REG4: variants seen among roughly 807,000 people sequenced by gnomAD.
The protein encoded by REG4 is regenerating family member 4, also known as regenerating islet-derived protein 4.
In REG4, 16 loss-of-function variants were observed where a neutral mutation model predicts 22.3. The observed-to-expected ratio is 0.72, with a 90% CI of 0.49 to 1.09. The LOEUF is 1.09. Ranked by LOEUF, REG4 falls within the 50% of genes least tolerant of loss-of-function variation. The pLI is 0.00. For missense variants in REG4, 214 were observed against 193.9 expected, an observed-to-expected ratio of 1.10 and a Z score of -0.61; for synonymous variants, 71 against 69.2, an observed-to-expected ratio of 1.03 and a Z score of -0.13.
chr1:119,806,453 G>A (rs1258738925), intron 2 of REG4, among the ~76,000 whole-genome samples: 4 of 152,186 alleles, frequency 2.6e-5, no homozygotes, highest in Non-Finnish European at 4.4e-5. Flanking sequence ...CTGACTCCAA[G>A]TCTTAGTCAT....
intron 2 of REG4, among the ~76,000 whole-genome samples, chr1:119,806,464 C>T (rs1425764825): frequency 6.6e-6 from 1 of 152,200 alleles, no homozygotes; most frequent in Non-Finnish European, 1.5e-5. Context: ...TCTTAGTCAT[C>T]TTAGTAATGA....
chr1:119,799,586 T>G, intron 4 of REG4, 139 bp downstream of exon 4: 3 of 1,082,412 alleles, frequency 2.8e-6, no homozygotes, highest in Non-Finnish European at 4.0e-6. Flanking sequence ...CCTTGAGACT[T>G]TGGTCTCCGT....
chr1:119,799,328 A>G (rs1456433672), intron 4 of REG4, among the ~76,000 whole-genome samples: 1 of 152,150 alleles, frequency 6.6e-6, no homozygotes, highest in Admixed American at 6.5e-5. Flanking sequence ...TCTAAAAAAA[A>G]AGGCTAGCTG....
At chr1:119,794,811 G>T in intron 5 of REG4, 126 bp from the exon 6 acceptor site, 1 of 813,268 alleles carries the variant, frequency 1.2e-6, no homozygotes, top group Non-Finnish European at 2.1e-6. Flanking sequence ...TGTCAACTTA[G>T]CTAGACTATG....
intron 3 of REG4, 71 bp from the exon 4 acceptor site, chr1:119,799,933 G>A (rs887083848): frequency 6.4e-7 from 1 of 1,573,412 alleles, no homozygotes. Flanking sequence ...CAGAACGCTA[G>A]CGTGCCAAGA....
chr1:119,798,289 A>G (rs1210232715), intron 5 of REG4, among the ~76,000 whole-genome samples: 1 of 152,248 alleles, frequency 6.6e-6, no homozygotes, highest in Non-Finnish European at 1.5e-5. Context: ...CAGCTGGTAC[A>G]TTGATGTGAC....
intron 3 of REG4, chr1:119,802,328 T>G: frequency 2.0e-6 from 2 of 985,668 alleles, no homozygotes; most frequent in Non-Finnish European, 2.4e-6. Flanking sequence ...AATACCTTCA[T>G]AGCCTCAGTA....
chr1:119,795,866 T>G (rs1436322925), intron 5 of REG4, among the ~76,000 whole-genome samples: 1 of 152,256 alleles, frequency 6.6e-6, no homozygotes, highest in Admixed American at 6.5e-5. Context: ...GGGCCAGGCT[T>G]GAGACTGACT....
intron 1 of REG4, among the ~76,000 whole-genome samples, chr1:119,811,178 C>T (rs927068759): frequency 6.6e-6 from 1 of 152,228 alleles, no homozygotes; most frequent in African/African-American, 2.4e-5. Context: ...AGTTTCCCAG[C>T]TACCAGACTG....
rs756363605 is a variant in REG4 at position 119,808,700 on chromosome 1, C to T, written c.67+3G>A. ...CAGTTCCAGCTACGTGATGGATACT[C>T]ACCACCCAGGACTCCTGTTTTGGCC... On this transcript the variant is annotated splice_donor_region_variant and intron_variant, in intron 2 of 5. Transcript: ENST00000256585. 6 of 1,611,612 alleles carry T rather than the reference C, an allele frequency of 3.7e-6. No individual in the cohort carries two copies. The highest frequency in any genetic ancestry group is 2.7e-5 in the African/African-American group (2 of 74,844).
intron 2 of REG4, 91 bp downstream of exon 2, chr1:119,808,612 A>G: frequency 2.2e-6 from 2 of 912,516 alleles, no homozygotes; most frequent in Non-Finnish European, 3.5e-6. Context: ...TGCAGTTCCT[A>G]AATGTTTTTG....
intron 1 of REG4, among the ~76,000 whole-genome samples, chr1:119,810,004 G>T (rs1654449214): frequency 6.6e-6 from 1 of 151,910 alleles, no homozygotes; most frequent in South Asian, 2.1e-4. Context: ...CTATTTCATT[G>T]TTTGTGAGAT....
intron 4 of REG4, among the ~76,000 whole-genome samples, chr1:119,798,946 G>C (rs1477799231): frequency 1.3e-5 from 2 of 152,090 alleles, no homozygotes; most frequent in African/African-American, 4.8e-5. Flanking sequence ...AACAACTATG[G>C]TAAAGGATTA....
At chr1:119,796,774 G>C (rs1653948781) in intron 5 of REG4, among the ~76,000 whole-genome samples, 1 of 152,190 alleles carries the variant, frequency 6.6e-6, no homozygotes, top group Non-Finnish European at 1.5e-5. Context: ...GCTGTTCTCA[G>C]AGAGCTTCAG....
chr1:119,795,845 C>A (rs186811502), intron 5 of REG4, among the ~76,000 whole-genome samples: 127 of 152,374 alleles, frequency 8.3e-4, no homozygotes, highest in Admixed American at 2.2e-3. Context: ...GAGAATACGG[C>A]ACAAGGCCAT....
rs587768640 is a variant in REG4, at chr1:119,808,688, G to T, written c.67+15C>A. The T allele has an allele frequency of 1.2e-6, 2 of 1,601,954 alleles. No homozygotes were observed. The highest frequency in any genetic ancestry group is 1.3e-5 in the African/African-American group (1 of 74,616). ...CTGGCTGTGGCTCAGTTCCAGCTAC[G>T]TGATGGATACTCACCACCCAGGACT... is the stretch of plus-strand genomic sequence containing the variant. On this transcript the variant is annotated intron_variant, in intron 2 of 5. Coordinates refer to ENST00000256585, the MANE Select transcript of REG4 (RefSeq NM_032044.4).
intron 2 of REG4, among the ~76,000 whole-genome samples, chr1:119,804,015 T>C (rs1043556058): frequency 6.6e-6 from 1 of 152,178 alleles, no homozygotes; most frequent in Non-Finnish European, 1.5e-5. Context: ...TGCTAGTCCA[T>C]TGGTGAATGT....
chr1:119,811,338 TGG>T, intron 1 of REG4, 69 bp downstream of exon 1: 1 of 152,218 alleles, frequency 6.6e-6, no homozygotes, highest in Non-Finnish European at 1.5e-5. Context: ...ATTTCTGGCC[TGG>T]CTAATAGCTG....
chr1:119,794,676 G>C lies in REG4; in HGVS notation c.419C>G (p.Thr140Ser). ...CTTGTTGCATTCGTTGCTGCTCCAA[G>C]TTAAAAAGTCTGTAAGAAAATAAAC... ...AEMSSNNNFL[T>S]WSSNECNKRQ... Residue 140 changes from threonine to serine, a missense_variant, in exon 6 of 6, where the codon ACT becomes AGT. Coordinates refer to ENST00000256585, the MANE Select transcript of REG4 (RefSeq NM_032044.4). 1 of 1,613,990 alleles carries C rather than the reference G, an allele frequency of 6.2e-7. No homozygotes were observed. Among genetic ancestry groups the C allele is most frequent in the African/African-American group, 1.3e-5 (1 of 75,048 alleles).
Sources: gnomAD v4.1 joint callset for allele counts (sites outside exome capture counted in the v4.1 genomes callset) on GRCh38, gnomAD v4.1.1 for gene constraint, MANE v1.5 for transcripts, NCBI Gene and HGNC (gene_info 2026-07-23, HGNC 2026-07-21) for gene names.